Variants in UBR4 observed in about 807,000 individuals in gnomAD.
UBR4 encodes E3 ubiquitin-protein ligase UBR4.
A neutral mutation model predicts 575.6 loss-of-function variants in UBR4; 124 were observed. The observed-to-expected ratio is 0.22, with a 90% CI of 0.19 to 0.25. The LOEUF (loss-of-function observed/expected upper bound fraction) is 0.25. Ranked by LOEUF, UBR4 falls within the 10% of genes least tolerant of loss-of-function variation. UBR4 has a pLI of 1.00. For missense variants in UBR4, 4,818 were observed against 6,478.8 expected (o/e 0.74, Z 8.80); for synonymous variants, 2,455 against 2,473.7 (o/e 0.99, Z 0.22).
intron 62 of UBR4, 27 bp downstream of exon 62, chr1:19,128,184 T>C: frequency 6.3e-7 from 1 of 1,599,044 alleles, no homozygotes. Context: ...ATCCTGTTTC[T>C]CACACAGTCT....
chr1:19,166,916 C>G, intron 29 of UBR4, 106 bp downstream of exon 29: 1 of 1,304,326 alleles, frequency 7.7e-7, no homozygotes, highest in Non-Finnish European at 1.1e-6. Context: ...AAAAACCACA[C>G]ACAAAAACAA....
At chr1:19,169,590 A>T in intron 26 of UBR4, 58 bp from the exon 27 acceptor site, 4 of 1,485,892 alleles carry the variant, frequency 2.7e-6, no homozygotes, top group Non-Finnish European at 3.7e-6. Context: ...GACACAGAGC[A>T]TTTTAAAAGC....
chr1:19,196,118 C>A (rs1424110641), intron 8 of UBR4, among the ~76,000 whole-genome samples: 7 of 152,078 alleles, frequency 4.6e-5, no homozygotes, highest in Admixed American at 4.6e-4. Flanking sequence ...ACTTAAGATT[C>A]AACATCAGAG....
rs145173917 is a variant in UBR4 at position 19,189,285 on chromosome 1, A to G, written c.1395-1745T>C. ...CGAGTAGTTTGACAAAACATTTCCAATGTTTAAATATGTGAGCCCTTTGTC... is the reference window on the plus strand; with the variant it reads ...CGAGTAGTTTGACAAAACATTTCCAGTGTTTAAATATGTGAGCCCTTTGTC... On this transcript the variant is annotated intron_variant, in intron 11 of 105. Coordinates refer to ENST00000375254, the MANE Select transcript of UBR4 (RefSeq NM_020765.3). 7.9e-5 allele frequency among the ~76,000 whole-genome samples: 12 copies of G among 152,344 alleles called. 1 individual carries two copies. Among genetic ancestry groups the G allele is most frequent in the African/African-American group, 2.2e-4 (9 of 41,584 alleles).
Position 19,210,214 on chromosome 1 carries a change from G to A in UBR4, c.35C>T (p.Ala12Val). Reference protein sequence around the residue: ...ATSGGEEAAAAAPAPGTPATG... With the variant: ...ATSGGEEAAAVAPAPGTPATG... ...TGCCGGGGTCCCCGGCGCCGGAGCC[G>A]CTGCCGCCGCCTCTTCGCCGCCGCT... The change falls in exon 1 of 106, where the codon GCG (alanine) becomes GTG (valine). Residue 12 changes from alanine (A) to valine (V), a missense_variant. Physicochemically the swap from Ala to Val is moderately conservative, Grantham distance 64. This residue lies in a region of UBR4 where 95 missense variants were observed against 87.7 expected (regional missense o/e 1.08). Transcript: ENST00000375254. 6.9e-7 allele frequency: 1 copy of A among 1,450,278 alleles called. No homozygotes were observed. The highest frequency in any genetic ancestry group is 9.0e-7 in the Non-Finnish European group (1 of 1,105,216). 89.8% of individuals were successfully genotyped at this position (1,450,278 alleles called of 1,614,324 possible). A position where few individuals can be genotyped will look rare whatever the true frequency, so the allele number is the denominator to read the frequency against.
chr1:19,092,974 A>G, intron 96 of UBR4, 56 bp from the exon 97 acceptor site: 1 of 1,512,482 alleles, frequency 6.6e-7, no homozygotes, highest in Admixed American at 1.9e-5. Flanking sequence ...CTACCTAGAA[A>G]CCAGTTGTTG....
intron 64 of UBR4, among the ~76,000 whole-genome samples, chr1:19,125,060 T>A (rs1030207745): frequency 1.3e-5 from 2 of 151,500 alleles, no homozygotes; most frequent in Non-Finnish European, 2.9e-5. Context: ...TTCTATGAGA[T>A]GTATTCTATC....
Position 19,146,955 on chromosome 1 carries a change from T to C in UBR4, c.7675A>G (p.Ser2559Gly). The change falls in exon 52 of 106, where the codon AGC (serine) becomes GGC (glycine). Residue 2559 changes from serine to glycine, a missense_variant. Ser to Gly is a moderately conservative substitution (Grantham distance 56, BLOSUM62 0). This residue lies in a region of UBR4 where 340 missense variants were observed against 375.4 expected (regional missense o/e 0.91). Coordinates refer to ENST00000375254, the MANE Select transcript of UBR4 (RefSeq NM_020765.3). ...SKAVQCLNTS[S>G]KEGKDLDPEV... ...GGGTCCAAATCCTTGCCCTCTTTGCTAGATGTGTTGAGACACTGCACAGCT... is the reference window on the plus strand; with the variant it reads ...GGGTCCAAATCCTTGCCCTCTTTGCCAGATGTGTTGAGACACTGCACAGCT... 1 of 1,613,674 alleles carries C rather than the reference T, an allele frequency of 6.2e-7. No homozygotes were observed. The highest frequency in any genetic ancestry group is 8.5e-7 in the Non-Finnish European group (1 of 1,179,746).
chr1:19,172,427 G>T (rs2150918849), intron 25 of UBR4, among the ~76,000 whole-genome samples: 1 of 152,294 alleles, frequency 6.6e-6, no homozygotes, highest in Middle Eastern at 3.4e-3. Context: ...TGAGGCAGGA[G>T]AATCACTTGA....
At chr1:19,096,951 T>C (rs1303323460) in intron 91 of UBR4, among the ~76,000 whole-genome samples, 3 of 151,886 alleles carry the variant, frequency 2.0e-5, no homozygotes, top group Non-Finnish European at 4.4e-5. Context: ...GAACTCCAGT[T>C]TACTGTTCAT....
Position 19,121,220 on chromosome 1 carries a change from G to A in UBR4, c.10110C>T (p.Ser3370=). The A allele has an allele frequency of 6.2e-7, 1 of 1,614,048 alleles. No individual in the cohort carries two copies. Among genetic ancestry groups the A allele is most frequent in the Non-Finnish European group, 8.5e-7 (1 of 1,179,992 alleles). The change falls in exon 68 of 106, where the codon AGC becomes AGT. Residue 3370 remains serine, a synonymous_variant. Transcript: ENST00000375254. ...TTQSKSSTKK[S]KKEEKEKEKD... ...TCTCCTTTTCTTTTTCTTCTTTCTT[G>A]CTCTTTTTAGTGGAAGACTTGGACT... is the stretch of plus-strand genomic sequence containing the variant.
chr1:19,099,728 T>C (rs2078425667), intron 89 of UBR4, 51 bp from the exon 90 acceptor site: 15 of 1,559,394 alleles, frequency 9.6e-6, no homozygotes, highest in Non-Finnish European at 1.2e-5. Flanking sequence ...GTAAGACAAG[T>C]AAAATCCAAG....
In UBR4 at chr1:19,092,808, T is replaced by C. The variant is rs2077656341; in HGVS notation, c.14211+11A>G. The C allele has an allele frequency of 6.2e-7, 1 of 1,607,968 alleles. No homozygotes were observed. The highest frequency in any genetic ancestry group is 8.5e-7 in the Non-Finnish European group (1 of 1,177,264). ...CCCTGTACCCTCACACTACCTGTCCTGGCTACCCACCTGGGTGCCAGGGTG... is the reference window on the plus strand; with the variant it reads ...CCCTGTACCCTCACACTACCTGTCCCGGCTACCCACCTGGGTGCCAGGGTG... On this transcript the variant is annotated intron_variant, in intron 97 of 105. Transcript: ENST00000375254.
chr1:19,166,909 A>T, intron 29 of UBR4, 113 bp downstream of exon 29: 2 of 1,260,162 alleles, frequency 1.6e-6, no homozygotes, highest in Non-Finnish European at 2.2e-6. Flanking sequence ...ATAAAAAAAA[A>T]ACCACACACA....
rs750663055 is a variant in UBR4 at position 19,128,240 on chromosome 1, G to A, written c.9082C>T (p.Leu3028Phe). Residue 3028 changes from leucine (L) to phenylalanine (F), a missense_variant, in exon 62 of 106, where the codon CTT becomes TTT. Around this residue, in one of 29 missense-constraint regions of UBR4, gnomAD observed 550 missense variants for 791.5 expected, o/e 0.69. Coordinates refer to ENST00000375254, the MANE Select transcript of UBR4 (RefSeq NM_020765.3). ...KGALDNLLSQ[L>F]IAELGMDKKD... Reference sequence around the variant, plus strand: ...TTATCCATACCCAACTCAGCAATAAGCTGGGAGAGCAGGTTGTCTAGGGCC... The same window carrying A: ...TTATCCATACCCAACTCAGCAATAAACTGGGAGAGCAGGTTGTCTAGGGCC... 22 of 1,613,926 alleles carry A rather than the reference G, an allele frequency of 1.4e-5. No individual in the cohort carries two copies. The highest frequency in any genetic ancestry group is 8.3e-5 in the Admixed American group (5 of 60,004).
At chr1:19,099,799 T>C (rs746151045) in intron 89 of UBR4, 122 bp from the exon 90 acceptor site, 2 of 753,442 alleles carry the variant, frequency 2.7e-6, no homozygotes, top group Admixed American at 3.0e-5. Flanking sequence ...CATGGACCTA[T>C]CAACTCTCCC....
intron 25 of UBR4, 122 bp downstream of exon 25, chr1:19,172,742 T>C (rs2089755077): frequency 2.2e-6 from 2 of 928,964 alleles, no homozygotes; most frequent in South Asian, 1.6e-5. Context: ...GAAGAAAGCA[T>C]TATACGTGGG....
At chr1:19,107,091 C>G in intron 81 of UBR4, 125 bp from the exon 82 acceptor site, 1 of 1,370,414 alleles carries the variant, frequency 7.3e-7, no homozygotes, top group South Asian at 1.4e-5. Flanking sequence ...AGGATCAACA[C>G]GTGTATCTCT....
Position 19,202,021 on chromosome 1 carries a change from C to G in UBR4, c.177-206G>C, listed in dbSNP as rs1314912706. Among the ~76,000 whole-genome samples the G allele has an allele frequency of 1.3e-5, 2 of 151,982 alleles. 1 individual carries two copies. Among genetic ancestry groups the G allele is most frequent in the South Asian group, 4.1e-4 (2 of 4,822 alleles). Reference sequence around the variant, plus strand: ...CAGCTTGGCCAGTATGGTGAAAACCCGTCACCACTAAAAATACAAAAATCA... The same window carrying G: ...CAGCTTGGCCAGTATGGTGAAAACCGGTCACCACTAAAAATACAAAAATCA... On this transcript the variant is annotated intron_variant, in intron 1 of 105. Coordinates refer to ENST00000375254, the MANE Select transcript of UBR4 (RefSeq NM_020765.3).
Sources: allele counts gnomAD v4.1 joint callset (sites outside exome capture counted in the v4.1 genomes callset), GRCh38; gene constraint gnomAD v4.1.1; regional missense constraint gnomAD v4.1.1; transcripts MANE v1.5; gene names NCBI Gene and HGNC (gene_info 2026-07-23, HGNC 2026-07-21).